NCAM1: variants seen among roughly 807,000 people sequenced by gnomAD.
NCAM1 encodes the protein antigen recognized by monoclonal antibody 5.1H11.
In NCAM1, 14 loss-of-function variants were observed where a neutral mutation model predicts 109.8. That is an observed-to-expected ratio of 0.13 (90% CI 0.08 to 0.20). The LOEUF is 0.20. Among genes scored for constraint, NCAM1 ranks in the 10% least tolerant of loss-of-function variants. The probability of loss-of-function intolerance (pLI) is 1.00; values close to 1 mark genes in which losing one functional copy is unlikely to be tolerated. For synonymous variants in NCAM1, 418 were observed against 442.9 expected (o/e 0.94, Z 0.70); for missense variants, 774 against 1,109.9 (o/e 0.70, Z 4.30).
Position 112,963,474 on chromosome 11 carries a change from CG to C in NCAM1, c.52+1813del, listed in dbSNP as rs1185773019. The C allele has an allele frequency of 1.3e-5, 2 of 152,192 alleles. No individual in the cohort carries two copies. Among genetic ancestry groups the C allele is most frequent in the African/African-American group, 4.8e-5 (2 of 41,442 alleles). The allele number at this position is 152,192 out of a possible 1,614,324, so 9.4% of individuals were successfully genotyped here. ...CGCGCGTGCGCTGACCGGCCGACCG[CG>C]GGCCGGGGGCTCTACTGACGGCGGG... On this transcript the variant is annotated intron_variant, in intron 1 of 19. Coordinates refer to ENST00000316851, the MANE Select transcript of NCAM1 (RefSeq NM_181351.5). This position sits in a 1 kb window ranked among gnomAD's most constrained non-coding sequence, Gnocchi z 4.6.
intron 14 of NCAM1, chr11:113,242,937 CT>C: frequency 1.2e-6 from 2 of 1,604,112 alleles, no homozygotes; most frequent in Non-Finnish European, 1.7e-6. Flanking sequence ...GTTGTTTTCC[CT>C]TTTATTAAAA....
At chr11:113,015,801 T>C (rs371822310) in intron 1 of NCAM1, among the ~76,000 whole-genome samples, 31 of 152,072 alleles carry the variant, frequency 2.0e-4, no homozygotes, top group East Asian at 9.6e-4. Flanking sequence ...ATCTAAGATC[T>C]AGATATATAA....
chr11:113,150,634 C>T (rs1350806815), intron 1 of NCAM1, among the ~76,000 whole-genome samples: 5 of 152,170 alleles, frequency 3.3e-5, no homozygotes, highest in African/African-American at 4.8e-5. Flanking sequence ...GACAAACCGA[C>T]ATCAGCCAGT....
chr11:113,160,222 A>AG, intron 1 of NCAM1, among the ~76,000 whole-genome samples: 1 of 152,148 alleles, frequency 6.6e-6, no homozygotes, highest in Non-Finnish European at 1.5e-5. Flanking sequence ...CACCAAGCTT[A>AG]GGAACGCAGC....
chr11:113,047,346 A>C (rs1424636994), intron 1 of NCAM1, among the ~76,000 whole-genome samples: 1 of 152,234 alleles, frequency 6.6e-6, no homozygotes. Flanking sequence ...TCACACTTAA[A>C]ATATTTTAAA....
intron 1 of NCAM1, among the ~76,000 whole-genome samples, chr11:112,983,409 C>T (rs1231159652): frequency 2.4e-5 from 3 of 123,152 alleles, no homozygotes; most frequent in African/African-American, 9.1e-5. Context: ...TGAAAATGAA[C>T]AAAAATTTGG....
intron 1 of NCAM1, among the ~76,000 whole-genome samples, chr11:113,168,389 A>G (rs782765800): frequency 6.6e-6 from 1 of 152,146 alleles, no homozygotes; most frequent in Non-Finnish European, 1.5e-5. Flanking sequence ...GAGATGCTAG[A>G]TGGTCGATGT....
intron 1 of NCAM1, among the ~76,000 whole-genome samples, chr11:113,044,354 GAC>G (rs139552430): frequency 2.6e-5 from 4 of 151,332 alleles, no homozygotes; most frequent in Admixed American, 6.6e-5. Context: ...TTCTGTGTGT[GAC>G]ACACACACAC....
At chr11:113,078,908 A>G (rs1938656980) in intron 1 of NCAM1, among the ~76,000 whole-genome samples, 1 of 152,160 alleles carries the variant, frequency 6.6e-6, no homozygotes, top group Non-Finnish European at 1.5e-5. Context: ...GAAACTCAAG[A>G]GACTGAGTTA....
intron 1 of NCAM1, among the ~76,000 whole-genome samples, chr11:112,974,599 T>C (rs1555067366): frequency 6.6e-6 from 1 of 152,034 alleles, no homozygotes; most frequent in African/African-American, 2.4e-5. Context: ...GAATAAGAAA[T>C]GGATTGGGGG....
intron 1 of NCAM1, among the ~76,000 whole-genome samples, chr11:112,991,161 A>T (rs574499225): frequency 1.6e-4 from 24 of 152,298 alleles, no homozygotes; most frequent in African/African-American, 5.5e-4. Flanking sequence ...TGGAACTGAG[A>T]ATTAATATGA....
intron 1 of NCAM1, among the ~76,000 whole-genome samples, chr11:112,986,500 T>G (rs1555069688): frequency 1.3e-5 from 2 of 152,214 alleles, no homozygotes; most frequent in Admixed American, 6.6e-5. Flanking sequence ...AATGCTTATT[T>G]AAATGTTTGG....
intron 1 of NCAM1, among the ~76,000 whole-genome samples, chr11:113,085,905 G>T (rs1240701777): frequency 3.3e-5 from 5 of 152,122 alleles, no homozygotes; most frequent in East Asian, 1.9e-4. Context: ...GCTCATCTGG[G>T]GTTATGCCAA....
At chr11:113,241,145 C>T (rs1945314769) in intron 14 of NCAM1, among the ~76,000 whole-genome samples, 2 of 152,200 alleles carry the variant, frequency 1.3e-5, no homozygotes, top group African/African-American at 2.4e-5. Context: ...TGGATCAAAG[C>T]TCGTATTTGG....
intron 1 of NCAM1, among the ~76,000 whole-genome samples, chr11:113,041,806 C>T (rs1468931354): frequency 6.6e-6 from 1 of 152,174 alleles, no homozygotes; most frequent in Non-Finnish European, 1.5e-5. Context: ...ACAGTGACCA[C>T]TGATAGAATC....
intron 1 of NCAM1, among the ~76,000 whole-genome samples, chr11:113,035,753 T>C (rs1218305964): frequency 6.6e-6 from 1 of 151,718 alleles, no homozygotes; most frequent in Admixed American, 6.6e-5. Flanking sequence ...AAATAATTAC[T>C]ATGTCACTGT....
intron 1 of NCAM1, among the ~76,000 whole-genome samples, chr11:113,106,130 A>G (rs1444696760): frequency 2.6e-5 from 4 of 152,232 alleles, no homozygotes; most frequent in African/African-American, 9.6e-5. Flanking sequence ...GTCCTGTCTT[A>G]TGGATGAAAT....
chr11:113,036,090 C>G (rs1269626817), intron 1 of NCAM1, among the ~76,000 whole-genome samples: 1 of 151,988 alleles, frequency 6.6e-6, no homozygotes, highest in Non-Finnish European at 1.5e-5. Context: ...CTACTTGACT[C>G]CCTATCTTAG....
At chr11:113,020,750 G>A (rs1438224079) in intron 1 of NCAM1, among the ~76,000 whole-genome samples, 1 of 152,022 alleles carries the variant, frequency 6.6e-6, no homozygotes, top group Non-Finnish European at 1.5e-5. Flanking sequence ...ATGTTCTGCT[G>A]TTTATTATTA....
Sources: gnomAD v4.1 joint callset for allele counts (sites outside exome capture counted in the v4.1 genomes callset) on GRCh38, gnomAD v4.1.1 for gene constraint, Gnocchi (gnomAD v3.1) non-coding constraint, MANE v1.5 for transcripts, NCBI Gene and HGNC (gene_info 2026-07-23, HGNC 2026-07-21) for gene names.